Variants in NCAM2 observed in about 807,000 individuals in gnomAD.
The protein encoded by NCAM2 is neural cell adhesion molecule 2.
A neutral mutation model predicts 98.1 loss-of-function variants in NCAM2; 30 were observed. The ratio of observed to expected loss-of-function variants is 0.31; its 90% CI spans 0.23 to 0.41. The LOEUF (loss-of-function observed/expected upper bound fraction) is 0.41, where lower values mean the gene tolerates loss of function less well. Ranked by LOEUF, NCAM2 falls within the 10% of genes least tolerant of loss-of-function variation. The probability of loss-of-function intolerance (pLI) is 1.00; values close to 1 mark genes in which losing one functional copy is unlikely to be tolerated. For missense variants in NCAM2, 867 were observed against 1,005.8 expected (o/e 0.86, Z 1.87); for synonymous variants, 368 against 342.4 (o/e 1.07, Z -0.83).
chr21:21,218,236 A>T (rs1463868077), intron 1 of NCAM2, among the ~76,000 whole-genome samples: 1 of 152,210 alleles, frequency 6.6e-6, no homozygotes, highest in African/African-American at 2.4e-5. Context: ...AGAGCTGTTC[A>T]AACAGTCCAG....
rs562221197 is a variant in NCAM2 at position 21,374,288 on chromosome 21, A to G, written c.1195+275A>G. 5.3e-5 allele frequency among the ~76,000 whole-genome samples: 8 copies of G among 151,978 alleles called. No homozygotes were observed. The South Asian group carries it at 1.7e-3, about 31-fold the overall frequency. The stretch of plus-strand genomic sequence containing the variant: ...ACATTGAACTCAAAACACAGTATCA[A>G]CTGAAAAATATTAATTATCAGTAAT... On this transcript the variant is annotated intron_variant, in intron 9 of 17. Transcript: ENST00000400546.
intron 16 of NCAM2, among the ~76,000 whole-genome samples, chr21:21,523,785 T>C (rs1989163380): frequency 6.6e-6 from 1 of 151,940 alleles, no homozygotes; most frequent in Middle Eastern, 3.2e-3. Context: ...TAAAGAAAGA[T>C]AACTGATATA....
At chr21:21,185,584 G>T (rs557991780) in intron 1 of NCAM2, among the ~76,000 whole-genome samples, 1 of 152,222 alleles carries the variant, frequency 6.6e-6, no homozygotes, top group Admixed American at 6.5e-5. Flanking sequence ...CGATCACTTT[G>T]AGAAATGGTT....
chr21:21,142,377 G>GTTTTTTTTTTTTTTTTTTT (rs10686568), intron 1 of NCAM2, among the ~76,000 whole-genome samples: 2 of 107,178 alleles, frequency 1.9e-5, no homozygotes, highest in African/African-American at 3.7e-5. Context: ...TTTTTTTTAT[G>GTTTTTTTTTTTTTTTTTTT]TTTTTTTTTT....
intron 5 of NCAM2, among the ~76,000 whole-genome samples, chr21:21,314,039 T>A (rs560529009): frequency 6.6e-6 from 1 of 152,264 alleles, no homozygotes; most frequent in South Asian, 2.1e-4. Context: ...TTTGTTTTAT[T>A]CTTTCAACCA....
intron 9 of NCAM2, among the ~76,000 whole-genome samples, chr21:21,378,879 T>C (rs943173256): frequency 1.3e-5 from 2 of 152,116 alleles, no homozygotes; most frequent in Admixed American, 1.3e-4. Context: ...TTCAGGTAAA[T>C]TTTTCAAAAG....
At chr21:21,422,421 A>C (rs2077129533) in intron 11 of NCAM2, among the ~76,000 whole-genome samples, 1 of 152,176 alleles carries the variant, frequency 6.6e-6, no homozygotes, top group Non-Finnish European at 1.5e-5. Flanking sequence ...TGTGATTGTA[A>C]GAAAACCCCC....
At chr21:21,056,022 T>C (rs1361741217) in intron 1 of NCAM2, among the ~76,000 whole-genome samples, 1 of 152,110 alleles carries the variant, frequency 6.6e-6, no homozygotes, top group Admixed American at 6.6e-5. Flanking sequence ...GCAATATTTT[T>C]ATAGTCAATA....
chr21:21,375,678 ATTTG>A (rs893606955), intron 9 of NCAM2, among the ~76,000 whole-genome samples: 8 of 151,594 alleles, frequency 5.3e-5, no homozygotes, highest in Non-Finnish European at 7.4e-5. Context: ...TTTAATTAAA[ATTTG>A]TTTATTTAAA....
intron 1 of NCAM2, among the ~76,000 whole-genome samples, chr21:21,099,475 G>A (rs2066193701): frequency 6.6e-6 from 1 of 151,858 alleles, no homozygotes; most frequent in African/African-American, 2.4e-5. Flanking sequence ...TCTTCACAGG[G>A]CAGCAAGAGA....
At chr21:21,446,020 A>C (rs980965449) in intron 12 of NCAM2, among the ~76,000 whole-genome samples, 17 of 152,150 alleles carry the variant, frequency 1.1e-4, no homozygotes, top group African/African-American at 3.9e-4. Context: ...TTTGCAGGGC[A>C]GGCCTGGTGG....
chr21:21,414,635 A>AT (rs761745026), intron 10 of NCAM2, among the ~76,000 whole-genome samples: 2 of 151,626 alleles, frequency 1.3e-5, no homozygotes, highest in African/African-American at 4.8e-5. Flanking sequence ...ACGCCCGGCT[A>AT]TTTTTTTGTA....
At chr21:21,420,397 T>C (rs1472072894) in intron 11 of NCAM2, among the ~76,000 whole-genome samples, 1 of 151,986 alleles carries the variant, frequency 6.6e-6, no homozygotes, top group Non-Finnish European at 1.5e-5. Context: ...TAAAATACAT[T>C]TTAAAAAATA....
intron 9 of NCAM2, among the ~76,000 whole-genome samples, chr21:21,382,881 A>G (rs1569001819): frequency 6.7e-6 from 1 of 150,042 alleles, no homozygotes; most frequent in African/African-American, 2.4e-5. Context: ...GCTCCATTTT[A>G]TTCTTTCTGT....
chr21:21,392,381 T>G (rs1207698172), intron 9 of NCAM2, among the ~76,000 whole-genome samples: 1 of 152,226 alleles, frequency 6.6e-6, no homozygotes, highest in African/African-American at 2.4e-5. Context: ...ATCCATGTCT[T>G]TGCTATTGTG....
At chr21:21,020,648 C>A (rs1489506531) in intron 1 of NCAM2, among the ~76,000 whole-genome samples, 1 of 152,196 alleles carries the variant, frequency 6.6e-6, no homozygotes, top group Admixed American at 6.5e-5. Context: ...TCCCTCGGGA[C>A]TTGGCTGGTG....
At chr21:21,452,999 A>ATTATATATTATATATTATATT (rs1325754087) in intron 12 of NCAM2, among the ~76,000 whole-genome samples, 7 of 92,152 alleles carry the variant, frequency 7.6e-5, no homozygotes, top group African/African-American at 2.9e-4. Context: ...TATATTATAT[A>ATTATATATTATATATTATATT]ATATATAATA....
chr21:21,426,966 A>G (rs2077226827), intron 11 of NCAM2, among the ~76,000 whole-genome samples: 1 of 152,212 alleles, frequency 6.6e-6, no homozygotes, highest in African/African-American at 2.4e-5. Context: ...CCATTCTGAA[A>G]TAATATTCAT....
intron 5 of NCAM2, among the ~76,000 whole-genome samples, chr21:21,320,791 T>A (rs1466282063): frequency 6.6e-6 from 1 of 152,120 alleles, no homozygotes; most frequent in Non-Finnish European, 1.5e-5. Context: ...AAGATGTAAA[T>A]TGAAAAATGA....
Sources: gnomAD v4.1 joint callset for allele counts (sites outside exome capture counted in the v4.1 genomes callset) on GRCh38, gnomAD v4.1.1 for gene constraint, MANE v1.5 for transcripts, NCBI Gene and HGNC (gene_info 2026-07-23, HGNC 2026-07-21) for gene names.